CEP128: variants seen among roughly 807,000 people sequenced by gnomAD.
CEP128 encodes centrosomal protein 128kDa.
Under a neutral mutation model 156.7 loss-of-function variants are expected in CEP128, and 132 were observed. The observed-to-expected ratio is 0.84, with a 90% CI of 0.73 to 0.97. CEP128 has a LOEUF of 0.97. CEP128 is among the 50% of genes least tolerant of loss of function. The probability of loss-of-function intolerance (pLI) is 0.00; values close to 1 mark genes in which losing one functional copy is unlikely to be tolerated. For missense variants in CEP128, 1,252 were observed against 1,281.9 expected (o/e 0.98, Z 0.36); for synonymous variants, 469 against 448.9 (o/e 1.04, Z -0.57).
chr14:80,811,844 A>AGATAGATAGATAGATAGATG (rs1325717727), intron 13 of CEP128, among the ~76,000 whole-genome samples: 2 of 152,266 alleles, frequency 1.3e-5, no homozygotes, highest in African/African-American at 2.4e-5. Flanking sequence ...ATAGATAGAT[A>AGATAGATAGATAGATAGATG]GATGATAACA....
At chr14:80,712,813 C>A (rs1324537260) in intron 19 of CEP128, among the ~76,000 whole-genome samples, 1 of 152,038 alleles carries the variant, frequency 6.6e-6, no homozygotes, top group African/African-American at 2.4e-5. Context: ...TATGGTGAAA[C>A]GAGAAATAAC....
intron 23 of CEP128, among the ~76,000 whole-genome samples, chr14:80,506,872 C>T (rs1895842092): frequency 6.6e-6 from 1 of 151,964 alleles, no homozygotes; most frequent in South Asian, 2.1e-4. Context: ...TTTCCCATGC[C>T]CCAATCTCAT....
intron 19 of CEP128, among the ~76,000 whole-genome samples, chr14:80,663,720 C>A (rs1391258418): frequency 6.6e-6 from 1 of 152,176 alleles, no homozygotes. Flanking sequence ...TCCCTAACCC[C>A]CCTACAAGGG....
At chr14:80,497,650 T>G (rs551530113) in intron 24 of CEP128, 68 bp from the exon 25 acceptor site, 135 of 890,560 alleles carry the variant, frequency 1.5e-4, no homozygotes, top group Non-Finnish European at 2.3e-4. Context: ...AAAATTAATT[T>G]TGCAGAAGGT....
chr14:80,507,146 G>T lies in CEP128; in HGVS notation c.3073-2126C>A, dbSNP rs796140759. 4.6e-5 allele frequency among the ~76,000 whole-genome samples: 7 copies of T among 151,822 alleles called. No individual in the cohort carries two copies. The South Asian group carries it at 1.5e-3, about 31-fold the overall frequency. The stretch of plus-strand genomic sequence containing the variant: ...CCAAGCAGATGCCGGTATCATGCCT[G>T]TATAGCCTGCAGAACCGTGAGCCAA... On this transcript the variant is annotated intron_variant, in intron 23 of 24. Transcript: ENST00000555265.
At chr14:80,675,129 T>G (rs1052088131) in intron 19 of CEP128, among the ~76,000 whole-genome samples, 3 of 152,114 alleles carry the variant, frequency 2.0e-5, no homozygotes, top group Admixed American at 1.3e-4. Flanking sequence ...TCATTCTTGA[T>G]TTCTCTTTTA....
At chr14:80,525,848 T>A (rs947644353) in intron 23 of CEP128, among the ~76,000 whole-genome samples, 1 of 152,220 alleles carries the variant, frequency 6.6e-6, no homozygotes, top group Admixed American at 6.5e-5. Flanking sequence ...TTATATCCAC[T>A]GAGCATTCTA....
At chr14:80,553,514 T>A (rs546357501) in intron 21 of CEP128, among the ~76,000 whole-genome samples, 7 of 152,318 alleles carry the variant, frequency 4.6e-5, no homozygotes, top group Admixed American at 3.3e-4. Context: ...ACTTATATAT[T>A]CCTTTGCCAA....
intron 9 of CEP128, among the ~76,000 whole-genome samples, chr14:80,844,408 C>T (rs891721853): frequency 1.3e-5 from 2 of 151,888 alleles, no homozygotes; most frequent in Non-Finnish European, 2.9e-5. Context: ...AGTAGAAATG[C>T]TTGATAAAAG....
chr14:80,555,178 G>C (rs1405526033), intron 21 of CEP128, among the ~76,000 whole-genome samples: 1 of 152,008 alleles, frequency 6.6e-6, no homozygotes, highest in Non-Finnish European at 1.5e-5. Context: ...TGAACCGACA[G>C]GGGAAAAAAA....
At chr14:80,519,958 G>C (rs1193521266) in intron 23 of CEP128, among the ~76,000 whole-genome samples, 1 of 152,132 alleles carries the variant, frequency 6.6e-6, no homozygotes, top group Non-Finnish European at 1.5e-5. Context: ...TCAGTCTCTT[G>C]ATGTAAAAAA....
At chr14:80,611,114 G>A (rs1423934659) in intron 19 of CEP128, among the ~76,000 whole-genome samples, 1 of 151,958 alleles carries the variant, frequency 6.6e-6, no homozygotes, top group African/African-American at 2.4e-5. Context: ...TATCATTTTA[G>A]TTTTAAATCT....
chr14:80,595,588 G>A (rs1266530461), intron 19 of CEP128, among the ~76,000 whole-genome samples: 2 of 152,088 alleles, frequency 1.3e-5, no homozygotes. Flanking sequence ...AATACCCAGA[G>A]GAACTACTGA....
intron 19 of CEP128, among the ~76,000 whole-genome samples, chr14:80,597,950 C>CAAAAAAAAAAAAAAAAA (rs34001813): frequency 1.2e-5 from 1 of 80,144 alleles, no homozygotes; most frequent in African/African-American, 5.0e-5. Flanking sequence ...TCCTCAGCTA[C>CAAAAAAAAAAAAAAAAA]AAAAAAAAAA....
intron 19 of CEP128, among the ~76,000 whole-genome samples, chr14:80,728,854 G>A (rs964380560): frequency 2.0e-5 from 3 of 152,078 alleles, no homozygotes; most frequent in Admixed American, 6.6e-5. Flanking sequence ...TTTCTAACTA[G>A]ATGTAACCAC....
chr14:80,676,648 T>C (rs2619666), intron 19 of CEP128, among the ~76,000 whole-genome samples: 95,750 of 151,938 alleles, frequency 0.63, 32,333 homozygotes, highest in African/African-American at 0.88. Context: ...CTAGTATCCT[T>C]CTATTTAAAA....
At chr14:80,674,040 A>C (rs982093587) in intron 19 of CEP128, among the ~76,000 whole-genome samples, 1 of 151,476 alleles carries the variant, frequency 6.6e-6, no homozygotes, top group Non-Finnish European at 1.5e-5. Context: ...AGACAAAAGA[A>C]TTTTTCAGAG....
intron 19 of CEP128, among the ~76,000 whole-genome samples, chr14:80,708,017 T>C (rs1004587768): frequency 2.6e-5 from 4 of 152,194 alleles, no homozygotes; most frequent in African/African-American, 9.6e-5. Context: ...TATTATGGTA[T>C]ATCCTGTAGA....
chr14:80,682,814 CA>C (rs1244905287), intron 19 of CEP128, among the ~76,000 whole-genome samples: 1 of 152,010 alleles, frequency 6.6e-6, no homozygotes, highest in East Asian at 1.9e-4. Context: ...AAATAAATTC[CA>C]AAAAACAATT....
Sources: gnomAD v4.1 joint callset for allele counts (sites outside exome capture counted in the v4.1 genomes callset) on GRCh38, gnomAD v4.1.1 for gene constraint, MANE v1.5 for transcripts, NCBI Gene and HGNC (gene_info 2026-07-23, HGNC 2026-07-21) for gene names.